The following SCARB1 variants were observed in gnomAD, a reference collection of about 807,000 sequenced individuals.
SCARB1 encodes scavenger receptor class B member 1.
A neutral mutation model predicts 57.2 loss-of-function variants in SCARB1; 30 were observed. The ratio of observed to expected loss-of-function variants is 0.52; its 90% CI spans 0.39 to 0.71. The LOEUF is 0.71. Ranked by LOEUF, SCARB1 falls within the 30% of genes least tolerant of loss-of-function variation. The pLI is 0.00. For synonymous variants in SCARB1, 249 were observed against 268.3 expected (o/e 0.93, Z 0.70); for missense variants, 543 against 671.2 (o/e 0.81, Z 2.11).
At chr12:124,860,455 C>G (rs1405110006) in intron 1 of SCARB1, among the ~76,000 whole-genome samples, 3 of 152,370 alleles carry the variant, frequency 2.0e-5, no homozygotes, top group African/African-American at 7.2e-5. Context: ...CCATGTCCAC[C>G]AGCTGGGCCT....
rs747119160 is a variant in SCARB1, at chr12:124,782,651, C to T, written c.*32G>A. On this transcript the variant is annotated intron_variant, in intron 12 of 12. Transcript: ENST00000261693. ...GCATTCTACTTGATATGGGAGGGGGCGGGGAGGCGCACGGCATTACCTGGT... is the reference window on the plus strand; with the variant it reads ...GCATTCTACTTGATATGGGAGGGGGTGGGGAGGCGCACGGCATTACCTGGT... The T allele has an allele frequency of 1.2e-5, 19 of 1,609,008 alleles. No homozygotes were observed. The East Asian group carries it at 1.3e-4, about 11-fold the overall frequency.
chr12:124,795,968 A>C (rs555532821), intron 8 of SCARB1, among the ~76,000 whole-genome samples: 8 of 152,284 alleles, frequency 5.3e-5, no homozygotes, highest in African/African-American at 1.9e-4. Flanking sequence ...TCCTTTGTGC[A>C]GAAATTTATT....
chr12:124,844,820 T>TC (rs201963098), intron 1 of SCARB1, among the ~76,000 whole-genome samples: 37 of 142,682 alleles, frequency 2.6e-4, no homozygotes, highest in South Asian at 4.4e-4. Flanking sequence ...TTTCTTTCTT[T>TC]TTTTTTTTTT....
chr12:124,844,049 C>G (rs1277064085), intron 1 of SCARB1, among the ~76,000 whole-genome samples: 1 of 152,090 alleles, frequency 6.6e-6, no homozygotes, highest in Non-Finnish European at 1.5e-5. Flanking sequence ...TCCTGCGCAT[C>G]CCCAGGAAAT....
intron 11 of SCARB1, chr12:124,785,131 C>T (rs1458517374): frequency 1.3e-5 from 2 of 152,424 alleles, no homozygotes; most frequent in Non-Finnish European, 2.9e-5. Context: ...CTGTTCAAGC[C>T]ATCGACTTCC....
At chr12:124,847,638 G>A (rs1253260687) in intron 1 of SCARB1, among the ~76,000 whole-genome samples, 3 of 152,240 alleles carry the variant, frequency 2.0e-5, no homozygotes, top group Admixed American at 6.5e-5. Flanking sequence ...GAGGCTGGCC[G>A]AGGGCCGCTG....
At chr12:124,830,548 C>T (rs1004606156) in intron 1 of SCARB1, among the ~76,000 whole-genome samples, 5 of 152,136 alleles carry the variant, frequency 3.3e-5, no homozygotes, top group African/African-American at 1.2e-4. Context: ...GGGTAAATCA[C>T]ACACAGGGAC....
chr12:124,815,917 T>A (rs1458198101), intron 2 of SCARB1, among the ~76,000 whole-genome samples: 2 of 151,448 alleles, frequency 1.3e-5, no homozygotes. Context: ...AACCCCACTT[T>A]GCATGCAGGT....
intron 12 of SCARB1, 60 bp from the exon 13 acceptor site, chr12:124,778,646 T>TGG: frequency 1.5e-6 from 2 of 1,337,766 alleles, no homozygotes; most frequent in Non-Finnish European, 1.9e-6. Context: ...CCCACCCTCA[T>TGG]CCCCGCCCAC....
intron 9 of SCARB1, among the ~76,000 whole-genome samples, chr12:124,788,175 T>A (rs1374400869): frequency 2.0e-5 from 3 of 152,196 alleles, no homozygotes; most frequent in East Asian, 3.9e-4. Context: ...TTCGATGTGC[T>A]GCCAGAAGGA....
chr12:124,821,867 C>A (rs997585281), intron 1 of SCARB1, among the ~76,000 whole-genome samples: 8 of 152,196 alleles, frequency 5.3e-5, no homozygotes, highest in African/African-American at 1.9e-4. Flanking sequence ...TTCCACCACA[C>A]TAGACCAGGC....
chr12:124,824,196 A>G (rs1201840766), intron 1 of SCARB1, among the ~76,000 whole-genome samples: 2 of 150,844 alleles, frequency 1.3e-5, no homozygotes, highest in Non-Finnish European at 3.0e-5. Flanking sequence ...AAAAAAGAGA[A>G]AGAAAGAAAG....
At chr12:124,853,083 C>T (rs919733647) in intron 1 of SCARB1, among the ~76,000 whole-genome samples, 3 of 152,008 alleles carry the variant, frequency 2.0e-5, no homozygotes, top group Admixed American at 1.3e-4. Flanking sequence ...TGGGCAATCA[C>T]GGGGTGTCTT....
intron 1 of SCARB1, among the ~76,000 whole-genome samples, chr12:124,823,565 T>C (rs987323780): frequency 6.6e-6 from 1 of 152,146 alleles, no homozygotes; most frequent in African/African-American, 2.4e-5. Flanking sequence ...TGGAAACCAG[T>C]CTGACCGTTC....
Position 124,812,453 on chromosome 12 carries a change from G to T in SCARB1, c.631-488C>A, listed in dbSNP as rs569738956. Among the ~76,000 whole-genome samples, 1 of 152,192 alleles carries T rather than the reference G, an allele frequency of 6.6e-6. No homozygotes were observed. Among genetic ancestry groups the T allele is most frequent in the South Asian group, 2.1e-4 (1 of 4,832 alleles). On this transcript the variant is annotated intron_variant, in intron 4 of 12. Coordinates refer to ENST00000261693, the MANE Select transcript of SCARB1 (RefSeq NM_005505.5). This position sits in a 1 kb window ranked among gnomAD's most constrained non-coding sequence, Gnocchi z 4.3. Reference sequence around the variant, plus strand: ...GGATCCCCAAGTGACCACCACAAGCGCGGGTGCCCCAGTCACCCACACTGG... The same window carrying T: ...GGATCCCCAAGTGACCACCACAAGCTCGGGTGCCCCAGTCACCCACACTGG...
chr12:124,786,422 A>G lies in SCARB1; in HGVS notation c.1336T>C (p.Tyr446His). 11 of 1,614,170 alleles carry G rather than the reference A, an allele frequency of 6.8e-6. No homozygotes were observed. Among genetic ancestry groups the G allele is most frequent in the Non-Finnish European group, 9.3e-6 (11 of 1,180,024 alleles). ...LMPKVMHYAQ[Y>H]VLLALGCVLL... ...ACGCAGCCCAGCGCCAGGAGGACGT[A>G]CTGGGCATAGTGCATCACCTTGGGC... The change falls in exon 11 of 13, where the codon TAC becomes CAC. Residue 446 changes from tyrosine (Y) to histidine (H), a missense_variant. Physicochemically the swap from Tyr to His is moderately conservative, Grantham distance 83. Coordinates refer to ENST00000261693, the MANE Select transcript of SCARB1 (RefSeq NM_005505.5).
At chr12:124,793,270 T>C (rs2135569704) in intron 9 of SCARB1, among the ~76,000 whole-genome samples, 1 of 152,270 alleles carries the variant, frequency 6.6e-6, no homozygotes, top group Admixed American at 6.5e-5. Flanking sequence ...ATTTCAGATA[T>C]GCTAAGAAGT....
intron 1 of SCARB1, among the ~76,000 whole-genome samples, chr12:124,847,346 T>C (rs1255283956): frequency 6.6e-6 from 1 of 152,190 alleles, no homozygotes; most frequent in East Asian, 1.9e-4. Flanking sequence ...TAAGGCCAGT[T>C]TGACCTCCAC....
chr12:124,814,409 C>A lies in SCARB1; in HGVS notation c.427-4G>T. The A allele has an allele frequency of 6.2e-7, 1 of 1,613,116 alleles. No homozygotes were observed. Among genetic ancestry groups the A allele is most frequent in the Non-Finnish European group, 8.5e-7 (1 of 1,179,986 alleles). On this transcript the variant is annotated splice_polypyrimidine_tract_variant and splice_region_variant and intron_variant, in intron 3 of 12. Coordinates refer to ENST00000261693, the MANE Select transcript of SCARB1 (RefSeq NM_005505.5). This position sits in a 1 kb window ranked among gnomAD's most constrained non-coding sequence, Gnocchi z 4.7. ...TCTCCATCATCACCGCCGCACCCTG[C>A]AAGGCGAAGGGACACTAGTGTCAGA...
Sources: gnomAD v4.1 joint callset for allele counts (sites outside exome capture counted in the v4.1 genomes callset) on GRCh38, gnomAD v4.1.1 for gene constraint, Gnocchi (gnomAD v3.1) non-coding constraint, MANE v1.5 for transcripts, NCBI Gene and HGNC (gene_info 2026-07-23, HGNC 2026-07-21) for gene names.